The following COL4A3 variants were observed in gnomAD, a reference collection of about 807,000 sequenced individuals.
COL4A3 encodes collagen type IV alpha 3 chain.
COL4A3 carries 135 observed loss-of-function variants against 217.4 expected under a neutral mutation model. The observed-to-expected ratio is 0.62, with a 90% CI of 0.54 to 0.72. The LOEUF is 0.72. COL4A3 is among the 30% of genes least tolerant of loss of function. The pLI is 0.00. For synonymous variants in COL4A3, 690 were observed against 736.3 expected (o/e 0.94, Z 1.02); for missense variants, 1,868 against 2,119.9 (o/e 0.88, Z 2.33).
At chr2:227,172,513 T>C (rs2065519496) in intron 1 of COL4A3, among the ~76,000 whole-genome samples, 1 of 151,946 alleles carries the variant, frequency 6.6e-6, no homozygotes, top group African/African-American at 2.4e-5. Flanking sequence ...TTCTCCTTCT[T>C]CTTCGTCTTT....
At position 227,282,946 on chromosome 2, in the gene COL4A3, G is replaced by A. The variant is rs975494677; in HGVS notation, c.2656+414G>A. Reference sequence around the variant, plus strand: ...TTTCTGGAACAGTTTGTGAAGAATCGACGCTCTTTAAACATTTGGTAGAAT... The same window carrying A: ...TTTCTGGAACAGTTTGTGAAGAATCAACGCTCTTTAAACATTTGGTAGAAT... On this transcript the variant is annotated intron_variant, in intron 32 of 51. Transcript: ENST00000396578. This position sits in a 1 kb window ranked among gnomAD's most constrained non-coding sequence, Gnocchi z 4.4. Among the ~76,000 whole-genome samples the A allele has an allele frequency of 2.0e-5, 3 of 152,090 alleles. No individual in the cohort carries two copies. Among genetic ancestry groups the A allele is most frequent in the Non-Finnish European group, 2.9e-5 (2 of 68,004 alleles).
At chr2:227,299,114 G>A (rs1024728148) in intron 43 of COL4A3, among the ~76,000 whole-genome samples, 1 of 152,164 alleles carries the variant, frequency 6.6e-6, no homozygotes, top group African/African-American at 2.4e-5. Context: ...CCATCAGATC[G>A]GCCGGGCATG....
At position 227,303,898 on chromosome 2, in the gene COL4A3, C is replaced by G. The variant is rs757747350; in HGVS notation, c.3995C>G (p.Pro1332Arg). The change falls in exon 45 of 52, where the codon CCT becomes CGT. Residue 1332 changes from proline (P) to arginine (R), a missense_variant. Pro to Arg is a moderately radical substitution (Grantham distance 103, BLOSUM62 -2). Transcript: ENST00000396578. Reference sequence around the variant, plus strand: ...CCTGGATTTCTAGGATCCATTGGACCTCCAGGACCAATTGGGCCAAAAGGA... The same window carrying G: ...CCTGGATTTCTAGGATCCATTGGACGTCCAGGACCAATTGGGCCAAAAGGA... ...GNPGFLGSIG[P>R]PGPIGPKGPP... 1.2e-6 allele frequency: 2 copies of G among 1,614,100 alleles called. No individual in the cohort carries two copies. Among genetic ancestry groups the G allele is most frequent in the Non-Finnish European group, 1.7e-6 (2 of 1,180,048 alleles).
At chr2:227,226,487 TTA>T (rs2068100259) in intron 1 of COL4A3, among the ~76,000 whole-genome samples, 1 of 151,794 alleles carries the variant, frequency 6.6e-6, no homozygotes. Flanking sequence ...TTTTTTTTTT[TTA>T]GATGGAGTCT....
intron 51 of COL4A3, 77 bp downstream of exon 51, chr2:227,311,025 A>T (rs2073721304): frequency 6.6e-7 from 1 of 1,509,686 alleles, no homozygotes; most frequent in Non-Finnish European, 9.2e-7. Context: ...TCTTGGGTCA[A>T]CGAGTAGCCA....
Position 227,203,475 on chromosome 2 carries a change from GTATACATATGTGTGTATATGTGTATA to G in COL4A3, c.88-34483_88-34458del, listed in dbSNP as rs201793163. On this transcript the variant is annotated intron_variant, in intron 1 of 51. Transcript: ENST00000396578. ...CATACATATATGTGTGTATATATGT[GTATACATATGTGTGTATATGTGTATA>G]TATACATATATGTGTGTATATATGT... Among the ~76,000 whole-genome samples, 9 of 34,866 alleles carry G rather than the reference GTATACATATGTGTGTATATGTGTATA, an allele frequency of 2.6e-4. 1 individual carries two copies. Among genetic ancestry groups the G allele is most frequent in the Admixed American group, 6.6e-4 (2 of 3,042 alleles). 22.9% of individuals were successfully genotyped at this position (34,866 alleles called of 152,430 possible). A position where few individuals can be genotyped will look rare whatever the true frequency, so the allele number is the denominator to read the frequency against.
In COL4A3 at chr2:227,270,809, G is replaced by T. The variant is rs2071189852; in HGVS notation, c.1615G>T (p.Glu539Ter). 2 of 1,614,108 alleles carry T rather than the reference G, an allele frequency of 1.2e-6. No individual in the cohort carries two copies. The highest frequency in any genetic ancestry group is 1.7e-6 in the Non-Finnish European group (2 of 1,180,002). The change falls in exon 25 of 52, where the codon GAA (glutamate) becomes TAA (stop). Residue 539 changes from glutamate to a stop codon, truncating the protein, a stop_gained. Coordinates refer to ENST00000396578, the MANE Select transcript of COL4A3 (RefSeq NM_000091.5). LOFTEE classifies it high-confidence loss of function. ...CCAGGGTGACCCAGGACTTAAAGGAGAAAAAGGTGAAACACTTCAGCCTGA... is the reference window on the plus strand; with the variant it reads ...CCAGGGTGACCCAGGACTTAAAGGATAAAAAGGTGAAACACTTCAGCCTGA... ...GAQGDPGLKGEKGETLQPEGQ... is the reference protein window; with the variant it reads ...GAQGDPGLKG
At position 227,312,074 on chromosome 2, in the gene COL4A3, A is replaced by T. The variant is rs2073762667; in HGVS notation, c.*204A>T. ...CTGGGTCTCTAATCTGTGCTGTTTCAAAGTTCTCTGTGGCAAAGCAGCAAC... is the reference window on the plus strand; with the variant it reads ...CTGGGTCTCTAATCTGTGCTGTTTCTAAGTTCTCTGTGGCAAAGCAGCAAC... On this transcript the variant is annotated 3_prime_UTR_variant, in exon 52 of 52. Coordinates refer to ENST00000396578, the MANE Select transcript of COL4A3 (RefSeq NM_000091.5). 4.5e-6 allele frequency: 4 copies of T among 888,258 alleles called. No individual in the cohort carries two copies. In the African/African-American group the frequency reaches 6.8e-5, roughly 15 times the overall value. 55.0% of individuals were successfully genotyped at this position (888,258 alleles called of 1,614,324 possible). A position where few individuals can be genotyped will look rare whatever the true frequency, so the allele number is the denominator to read the frequency against.
At chr2:227,298,459 C>A (rs944554039) in intron 42 of COL4A3, among the ~76,000 whole-genome samples, 5 of 152,228 alleles carry the variant, frequency 3.3e-5, no homozygotes, top group African/African-American at 1.2e-4. Context: ...CCTGCTGTAA[C>A]AGACCCTCAC....
At chr2:227,222,351 T>C (rs60178996) in intron 1 of COL4A3, 21,041 of 151,924 alleles carry the variant, frequency 0.14, 1,649 homozygotes, top group East Asian at 0.36. Flanking sequence ...AAGTTATACA[T>C]TTCTTGGCCT....
chr2:227,260,016 T>C (rs774455516), intron 19 of COL4A3, 139 bp downstream of exon 19: 1 of 771,130 alleles, frequency 1.3e-6, no homozygotes, highest in East Asian at 2.4e-5. Flanking sequence ...AAAGGTGTTA[T>C]TTTTTGATGT....
At chr2:227,262,094 C>G (rs2070613214) in intron 20 of COL4A3, among the ~76,000 whole-genome samples, 1 of 151,922 alleles carries the variant, frequency 6.6e-6, no homozygotes, top group South Asian at 2.1e-4. Context: ...ATAAAGCAGA[C>G]TGCAGAACTA....
chr2:227,215,251 C>T (rs1413846552), intron 1 of COL4A3, among the ~76,000 whole-genome samples: 1 of 151,856 alleles, frequency 6.6e-6, no homozygotes, highest in Admixed American at 6.6e-5. Context: ...AGTATAAAGT[C>T]AAATAGGAAA....
Position 227,308,362 on chromosome 2 carries a change from A to G in COL4A3, c.4462+443A>G, listed in dbSNP as rs4436947. On this transcript the variant is annotated intron_variant, in intron 48 of 51. Transcript: ENST00000396578. ...CAAATGGCTGGGACTACAGGCACAC[A>G]CCACTATACCAAGCTAATTTTTTTG... is the stretch of plus-strand genomic sequence containing the variant. Among the ~76,000 whole-genome samples the G allele has an allele frequency of 1, 152,240 of 152,300 alleles. 76,090 individuals are homozygous for G. Among genetic ancestry groups the G allele is most frequent in the Middle Eastern group, 1 (294 of 294 alleles).
chr2:227,242,608 C>G (rs2069092749), intron 3 of COL4A3, among the ~76,000 whole-genome samples: 1 of 152,114 alleles, frequency 6.6e-6, no homozygotes. Flanking sequence ...AGAGTTGCCT[C>G]CTTAGAACAA....
At chr2:227,291,584 AAAAAAAAACAAAAAAAAAAAC>A (rs2072739397) in intron 37 of COL4A3, among the ~76,000 whole-genome samples, 1 of 32,432 alleles carries the variant, frequency 3.1e-5, no homozygotes, top group Non-Finnish European at 9.3e-5. Flanking sequence ...AAAAAACAAA[AAAAAAAAACAAAAAAAAAAAC>A]ACTTGTCTTA....
chr2:227,261,778 C>A (rs6436670), intron 20 of COL4A3, among the ~76,000 whole-genome samples: 1 of 152,156 alleles, frequency 6.6e-6, no homozygotes, highest in East Asian at 1.9e-4. Flanking sequence ...TTGAAAATGA[C>A]AGTTTTCATA....
chr2:227,273,887 A>C (rs1406385131), intron 26 of COL4A3, among the ~76,000 whole-genome samples: 1 of 152,224 alleles, frequency 6.6e-6, no homozygotes, highest in Non-Finnish European at 1.5e-5. Context: ...AGGTCAGAAT[A>C]GCATGCTACT....
chr2:227,169,652 C>T (rs1321481492), intron 1 of COL4A3, among the ~76,000 whole-genome samples: 6 of 152,132 alleles, frequency 3.9e-5, no homozygotes, highest in African/African-American at 1.4e-4. Flanking sequence ...TGATGGTGAG[C>T]ATTTTTTCAT....
Sources: allele counts gnomAD v4.1 joint callset (sites outside exome capture counted in the v4.1 genomes callset), GRCh38; gene constraint gnomAD v4.1.1; non-coding constraint Gnocchi (gnomAD v3.1); transcripts MANE v1.5; gene names NCBI Gene and HGNC (gene_info 2026-07-23, HGNC 2026-07-21).